MYO16: variants seen among roughly 807,000 people sequenced by gnomAD.
MYO16 encodes myosin XVI.
In MYO16, 94 loss-of-function variants were observed where a neutral mutation model predicts 205.3. The ratio of observed to expected loss-of-function variants is 0.46; its 90% CI spans 0.39 to 0.54. The LOEUF is 0.54. Among genes scored for constraint, MYO16 ranks in the 20% least tolerant of loss-of-function variants. The probability of loss-of-function intolerance (pLI) is 0.00; values close to 1 mark genes in which losing one functional copy is unlikely to be tolerated. For synonymous variants in MYO16, 988 were observed against 954.0 expected (o/e 1.04, Z -0.66); for missense variants, 2,315 against 2,387.5 (o/e 0.97, Z 0.63).
intron 9 of MYO16, among the ~76,000 whole-genome samples, chr13:108,825,551 C>T (rs116379371): frequency 2.3e-3 from 340 of 150,738 alleles, no homozygotes; most frequent in African/African-American, 6.3e-3. Context: ...CATTGTATTG[C>T]GGTTTTAGCT....
intron 5 of MYO16, among the ~76,000 whole-genome samples, chr13:108,789,609 A>G (rs9587689): frequency 0.49 from 74,761 of 151,634 alleles, 18,644 homozygotes; most frequent in South Asian, 0.52. Context: ...AGCAATGGGT[A>G]GAGGGTAGCT....
chr13:109,203,436 TTC>T (rs1491367639), intron 34 of MYO16, among the ~76,000 whole-genome samples: 4 of 152,088 alleles, frequency 2.6e-5, no homozygotes, highest in Non-Finnish European at 4.4e-5. Flanking sequence ...TTTTTTTTTT[TTC>T]TCTCAGTAAT....
At chr13:108,907,880 A>G (rs988424191) in intron 15 of MYO16, among the ~76,000 whole-genome samples, 2 of 152,224 alleles carry the variant, frequency 1.3e-5, no homozygotes, top group African/African-American at 2.4e-5. Flanking sequence ...TCCAAGAACA[A>G]GATGACTATT....
intron 13 of MYO16, among the ~76,000 whole-genome samples, chr13:108,884,482 T>C (rs1879765051): frequency 6.6e-6 from 1 of 151,966 alleles, no homozygotes; most frequent in Non-Finnish European, 1.5e-5. Context: ...AGAAAGGCGC[T>C]GAGGCAGGGA....
intron 4 of MYO16, among the ~76,000 whole-genome samples, chr13:108,728,322 C>G (rs1459982920): frequency 6.6e-6 from 1 of 152,136 alleles, no homozygotes; most frequent in African/African-American, 2.4e-5. Context: ...ATATATTAAA[C>G]AACTTGCCGT....
At chr13:109,179,398 A>G (rs1176907616) in intron 33 of MYO16, 144 bp from the exon 34 acceptor site, 3 of 611,070 alleles carry the variant, frequency 4.9e-6, no homozygotes, top group Non-Finnish European at 9.0e-6. Flanking sequence ...TTCATTGCAA[A>G]ATTTAGTATT....
chr13:109,140,119 C>A lies in MYO16; in HGVS notation c.4052-145C>A. 1 of 1,389,652 alleles carries A rather than the reference C, an allele frequency of 7.2e-7. No individual in the cohort carries two copies. The highest frequency in any genetic ancestry group is 9.4e-7 in the Non-Finnish European group (1 of 1,065,062). 86.1% of individuals were successfully genotyped at this position (1,389,652 alleles called of 1,614,324 possible). On this transcript the variant is annotated intron_variant, in intron 31 of 34. Transcript: ENST00000457511. This position sits in a 1 kb window ranked among gnomAD's most constrained non-coding sequence, Gnocchi z 8.0. The stretch of plus-strand genomic sequence containing the variant: ...CAGGAGTTCGGGTTCAGCCAGGGAG[C>A]CTAGTGGGTGGAGGAACATGCAGGC...
At chr13:109,051,256 A>G (rs1305710210) in intron 24 of MYO16, among the ~76,000 whole-genome samples, 3 of 151,840 alleles carry the variant, frequency 2.0e-5, no homozygotes, top group African/African-American at 4.8e-5. Flanking sequence ...TTTATTACCT[A>G]ATGTAGGGAT....
At chr13:108,637,973 A>G (rs1388269173) in intron 1 of MYO16, among the ~76,000 whole-genome samples, 1 of 152,174 alleles carries the variant, frequency 6.6e-6, no homozygotes. Flanking sequence ...GAGACAGAGT[A>G]AGTAAGTAAA....
At chr13:108,979,097 G>T (rs901796192) in intron 20 of MYO16, among the ~76,000 whole-genome samples, 1 of 151,978 alleles carries the variant, frequency 6.6e-6, no homozygotes, top group African/African-American at 2.4e-5. Flanking sequence ...ATCTGCCTAT[G>T]CAAATTATTT....
intron 20 of MYO16, among the ~76,000 whole-genome samples, chr13:108,985,121 G>A (rs1884582156): frequency 1.3e-5 from 2 of 152,164 alleles, no homozygotes; most frequent in African/African-American, 4.8e-5. Flanking sequence ...AAAGAATGTA[G>A]ATATAACCAC....
At chr13:108,900,692 C>A (rs1880663623) in intron 15 of MYO16, among the ~76,000 whole-genome samples, 1 of 151,974 alleles carries the variant, frequency 6.6e-6, no homozygotes, top group African/African-American at 2.4e-5. Context: ...GCCTCAGGAC[C>A]CTGTGATGGT....
intron 6 of MYO16, among the ~76,000 whole-genome samples, chr13:108,801,486 C>A (rs1211885393): frequency 1.3e-5 from 2 of 152,170 alleles, no homozygotes; most frequent in Admixed American, 6.5e-5. Context: ...TAATCACCAA[C>A]AAAACATTTT....
chr13:108,665,946 T>C lies in MYO16; in HGVS notation c.89T>C (p.Leu30Pro). ...GAGATGGAAATCGACCAGTGCTTGCTAGAGTCCCTTCCCCTTGGCCAACGG... is the reference window on the plus strand; with the variant it reads ...GAGATGGAAATCGACCAGTGCTTGCCAGAGTCCCTTCCCCTTGGCCAACGG... Reference protein sequence around the residue: ...SHEMEIDQCLLESLPLGQRQR... With the variant: ...SHEMEIDQCLPESLPLGQRQR... The change falls in exon 2 of 35, where the codon CTA becomes CCA. Residue 30 changes from leucine (L) to proline (P), a missense_variant. Leu to Pro is a moderately conservative substitution (Grantham distance 98, BLOSUM62 -3). Coordinates refer to ENST00000457511, the MANE Select transcript of MYO16 (RefSeq NM_001198950.3). 6.2e-7 allele frequency: 1 copy of C among 1,614,120 alleles called. No homozygotes were observed. Among genetic ancestry groups the C allele is most frequent in the Non-Finnish European group, 8.5e-7 (1 of 1,179,982 alleles).
At chr13:108,939,385 C>G (rs1439503571) in intron 16 of MYO16, among the ~76,000 whole-genome samples, 1 of 152,204 alleles carries the variant, frequency 6.6e-6, no homozygotes, top group African/African-American at 2.4e-5. Context: ...CTCTCTCATG[C>G]ACTGGGGCTT....
At chr13:109,033,153 A>G (rs1886598066) in intron 23 of MYO16, among the ~76,000 whole-genome samples, 1 of 152,142 alleles carries the variant, frequency 6.6e-6, no homozygotes, top group African/African-American at 2.4e-5. Flanking sequence ...ACTGAACTAC[A>G]GGGAGTTGAA....
intron 4 of MYO16, among the ~76,000 whole-genome samples, chr13:108,744,457 A>G (rs1884999269): frequency 6.6e-6 from 1 of 152,216 alleles, no homozygotes; most frequent in Non-Finnish European, 1.5e-5. Context: ...AAAATAATCA[A>G]ACTTGTTTCT....
intron 12 of MYO16, among the ~76,000 whole-genome samples, chr13:108,872,830 T>A (rs908441550): frequency 8.5e-5 from 13 of 152,232 alleles, no homozygotes; most frequent in Non-Finnish European, 1.8e-4. Flanking sequence ...GATATAAAGC[T>A]TACAATAAAA....
At chr13:109,173,889 A>G (rs1440062060) in intron 33 of MYO16, among the ~76,000 whole-genome samples, 4 of 82,404 alleles carry the variant, frequency 4.9e-5, no homozygotes, top group South Asian at 4.5e-4. Flanking sequence ...CTCCATCTCA[A>G]AAAAAAAAAA....
Sources: gnomAD v4.1 joint callset for allele counts (sites outside exome capture counted in the v4.1 genomes callset) on GRCh38, gnomAD v4.1.1 for gene constraint, Gnocchi (gnomAD v3.1) non-coding constraint, MANE v1.5 for transcripts, NCBI Gene and HGNC (gene_info 2026-07-23, HGNC 2026-07-21) for gene names.